The following NEURL1B variants were observed in gnomAD, a reference collection of about 807,000 sequenced individuals.
NEURL1B encodes E3 ubiquitin-protein ligase NEURL1B.
In NEURL1B, 13 loss-of-function variants were observed where a neutral mutation model predicts 37.4. The observed-to-expected ratio is 0.35, with a 90% confidence interval of 0.23 to 0.55. The LOEUF is 0.55. Among genes scored for constraint, NEURL1B ranks in the 20% least tolerant of loss-of-function variants. NEURL1B has a pLI of 0.89. For missense variants in NEURL1B, 790 were observed against 879.2 expected (o/e 0.90, Z 1.28); for synonymous variants, 432 against 426.6 (o/e 1.01, Z -0.16).
chr5:172,654,642 C>T (rs1457431716), intron 1 of NEURL1B, among the ~76,000 whole-genome samples: 3 of 144,590 alleles, frequency 2.1e-5, no homozygotes, highest in Non-Finnish European at 4.5e-5. Flanking sequence ...GAGGTTTCCT[C>T]TAAAAGTTAT....
In NEURL1B at chr5:172,687,082, CA is replaced by C; in HGVS notation, c.*158del. 2 of 874,026 alleles carry C rather than the reference CA, an allele frequency of 2.3e-6. No individual in the cohort carries two copies. Among genetic ancestry groups the C allele is most frequent in the Non-Finnish European group, 3.4e-6 (2 of 590,024 alleles). The allele number at this position is 874,026 out of a possible 1,614,324, so 54.1% of individuals were successfully genotyped here. On this transcript the variant is annotated 3_prime_UTR_variant, in exon 5 of 5. Coordinates refer to ENST00000369800, the MANE Select transcript of NEURL1B (RefSeq NM_001142651.3). Reference sequence around the variant, plus strand: ...TCGTGGAGCGAGGCCCACAGGGCCTCAGCCCAGGCAGGGGTTGCTTCTGGCT... The same window carrying C: ...TCGTGGAGCGAGGCCCACAGGGCCTCGCCCAGGCAGGGGTTGCTTCTGGCT...
chr5:172,651,018 A>G (rs1226562620), intron 1 of NEURL1B, among the ~76,000 whole-genome samples: 2 of 152,150 alleles, frequency 1.3e-5, no homozygotes, highest in Non-Finnish European at 2.9e-5. Context: ...GATGGAGCCT[A>G]TGATCGGAAT....
At chr5:172,684,184 C>CCCGTG in intron 3 of NEURL1B, 46 bp downstream of exon 3, 2 of 1,185,144 alleles carry the variant, frequency 1.7e-6, no homozygotes. Context: ...CCTCCCCCGT[C>CCCGTG]CCGTGCCGTC....
At position 172,683,907 on chromosome 5, in the gene NEURL1B, C is replaced by T. The variant is rs768064115; in HGVS notation, c.1066C>T (p.Pro356Ser). The change falls in exon 3 of 5, where the codon CCC becomes TCC. Residue 356 changes from proline to serine, a missense_variant. By Grantham distance (74) the Pro-to-Ser change is moderately conservative. Around this residue, in one of 3 missense-constraint regions of NEURL1B, gnomAD observed 460 missense variants for 407.4 expected, o/e 1.13. Coordinates refer to ENST00000369800, the MANE Select transcript of NEURL1B (RefSeq NM_001142651.3). This position sits in a 1 kb window ranked among gnomAD's most constrained non-coding sequence, Gnocchi z 5.6. ...DPGVLRPNEL[P>S]ADPDALLDRK... ...GGGCGTGCTACGGCCCAACGAGCTGCCCGCCGACCCAGACGCGCTGCTCGA... is the reference window on the plus strand; with the variant it reads ...GGGCGTGCTACGGCCCAACGAGCTGTCCGCCGACCCAGACGCGCTGCTCGA... 2 of 1,413,336 alleles carry T rather than the reference C, an allele frequency of 1.4e-6. No homozygotes were observed. Among genetic ancestry groups the T allele is most frequent in the African/African-American group, 1.5e-5 (1 of 66,694 alleles). The allele number at this position is 1,413,336 out of a possible 1,614,324, so 87.5% of individuals were successfully genotyped here.
At position 172,651,683 on chromosome 5, in the gene NEURL1B, G is replaced by A. The variant is rs184983888; in HGVS notation, c.31+10246G>A. ...CTATTTCTTTAACAGCATCTCCAGC[G>A]TAGTTAATAAATCGCTGTTGGTTGT... On this transcript the variant is annotated intron_variant, in intron 1 of 4. Coordinates refer to ENST00000369800, the MANE Select transcript of NEURL1B (RefSeq NM_001142651.3). 1.6e-3 allele frequency among the ~76,000 whole-genome samples: 246 copies of A among 152,286 alleles called. 1 individual carries two copies. Among genetic ancestry groups the A allele is most frequent in the African/African-American group, 5.6e-3 (233 of 41,560 alleles).
At chr5:172,659,128 T>C (rs1757849998) in intron 1 of NEURL1B, among the ~76,000 whole-genome samples, 1 of 149,258 alleles carries the variant, frequency 6.7e-6, no homozygotes, top group African/African-American at 2.5e-5. Context: ...ATACGTAGTC[T>C]AGCTTTTTTC....
intron 1 of NEURL1B, among the ~76,000 whole-genome samples, chr5:172,648,198 T>C (rs1344073046): frequency 6.6e-6 from 1 of 152,216 alleles, no homozygotes; most frequent in African/African-American, 2.4e-5. Context: ...CTCTAAGCCT[T>C]GGTTTCCTCT....
rs556559780 is a variant in NEURL1B, at chr5:172,658,168, T to C, written c.32-11617T>C. 2.6e-5 allele frequency among the ~76,000 whole-genome samples: 4 copies of C among 152,294 alleles called. No individual in the cohort carries two copies. In the East Asian group the frequency reaches 7.7e-4, roughly 29 times the overall value. ...ACCGGTCTCCACGTCTTGGTGGTAG[T>C]GGTCCCCCGGGCCCAGCTGTTTTCT... On this transcript the variant is annotated intron_variant, in intron 1 of 4. Transcript: ENST00000369800.
Position 172,682,275 on chromosome 5 carries a change from T to C in NEURL1B, c.578-1144T>C, listed in dbSNP as rs1758368414. ...TAAAATATTTTCATAACTGTAACTT[T>C]TAAAGAACTTTCCCTTCGGCCGGGC... is the stretch of plus-strand genomic sequence containing the variant. On this transcript the variant is annotated intron_variant, in intron 2 of 4. Coordinates refer to ENST00000369800, the MANE Select transcript of NEURL1B (RefSeq NM_001142651.3). Among the ~76,000 whole-genome samples, 3 of 152,244 alleles carry C rather than the reference T, an allele frequency of 2.0e-5. No homozygotes were observed. In the South Asian group the frequency reaches 6.2e-4, roughly 32 times the overall value.
At chr5:172,659,364 G>A (rs574793864) in intron 1 of NEURL1B, among the ~76,000 whole-genome samples, 53 of 152,274 alleles carry the variant, frequency 3.5e-4, no homozygotes, top group African/African-American at 1.3e-3. Flanking sequence ...ACCCAGGCTG[G>A]GGGAGTGGCT....
At chr5:172,682,651 A>G (rs1209164281) in intron 2 of NEURL1B, among the ~76,000 whole-genome samples, 1 of 152,184 alleles carries the variant, frequency 6.6e-6, no homozygotes, top group East Asian at 1.9e-4. Flanking sequence ...TTTTCTGTCA[A>G]TGCTTAAACA....
Position 172,686,418 on chromosome 5 carries a change from C to T in NEURL1B, c.1423+122C>T. 1 of 1,092,828 alleles carries T rather than the reference C, an allele frequency of 9.2e-7. No individual in the cohort carries two copies. The highest frequency in any genetic ancestry group is 1.3e-6 in the Non-Finnish European group (1 of 759,830). The allele number at this position is 1,092,828 out of a possible 1,614,324, so 67.7% of individuals were successfully genotyped here. On this transcript the variant is annotated intron_variant, in intron 4 of 4. Transcript: ENST00000369800. This position sits in a 1 kb window ranked among gnomAD's most constrained non-coding sequence, Gnocchi z 7.9. Reference sequence around the variant, plus strand: ...GCCTTTCCCCCGCATCCTCTCCTTCCCTCAGCTGTATGCTCAGCTGGAGGG... The same window carrying T: ...GCCTTTCCCCCGCATCCTCTCCTTCTCTCAGCTGTATGCTCAGCTGGAGGG...
At chr5:172,669,459 G>A (rs986065525) in intron 1 of NEURL1B, among the ~76,000 whole-genome samples, 6 of 152,130 alleles carry the variant, frequency 3.9e-5, no homozygotes, top group Non-Finnish European at 7.4e-5. Flanking sequence ...ATTTGATGGG[G>A]ATGGAGAAGT....
chr5:172,673,741 G>A (rs1234570040), intron 2 of NEURL1B, among the ~76,000 whole-genome samples: 3 of 150,682 alleles, frequency 2.0e-5, no homozygotes, highest in Non-Finnish European at 4.4e-5. Flanking sequence ...CAGGACCACA[G>A]GCTCATGCCT....
intron 2 of NEURL1B, among the ~76,000 whole-genome samples, chr5:172,673,094 G>A (rs1758162745): frequency 6.6e-6 from 1 of 152,148 alleles, no homozygotes; most frequent in Admixed American, 6.5e-5. Context: ...GATTATGAGT[G>A]ACTTTTTATT....
At chr5:172,651,621 T>C (rs1473318688) in intron 1 of NEURL1B, among the ~76,000 whole-genome samples, 1 of 152,248 alleles carries the variant, frequency 6.6e-6, no homozygotes, top group Non-Finnish European at 1.5e-5. Flanking sequence ...CTATCCTATT[T>C]TCCCAAGCCA....
chr5:172,683,862 G>A lies in NEURL1B; in HGVS notation c.1021G>A (p.Gly341Ser). ...GLAAPGALAF[G>S]ITSCDPGVLR... ...GGCGGCGCCCGGCGCGCTGGCCTTCGGCATCACGTCGTGCGACCCGGGCGT... is the reference window on the plus strand; with the variant it reads ...GGCGGCGCCCGGCGCGCTGGCCTTCAGCATCACGTCGTGCGACCCGGGCGT... Residue 341 changes from glycine to serine, a missense_variant, in exon 3 of 5, where the codon GGC (glycine) becomes AGC (serine). Coordinates refer to ENST00000369800, the MANE Select transcript of NEURL1B (RefSeq NM_001142651.3). The surrounding 1 kb of genome is among the most constrained non-coding windows in gnomAD (Gnocchi z 5.6). 7.3e-7 allele frequency: 1 copy of A among 1,372,456 alleles called. No individual in the cohort carries two copies. Among genetic ancestry groups the A allele is most frequent in the Non-Finnish European group, 9.5e-7 (1 of 1,058,148 alleles). The allele number at this position is 1,372,456 out of a possible 1,614,324, so 85.0% of individuals were successfully genotyped here. A position where few individuals can be genotyped will look rare whatever the true frequency, so the allele number is the denominator to read the frequency against.
At chr5:172,668,148 G>A (rs370703624) in intron 1 of NEURL1B, among the ~76,000 whole-genome samples, 66 of 152,122 alleles carry the variant, frequency 4.3e-4, no homozygotes, top group African/African-American at 1.4e-3. Context: ...GGAAGAGTAC[G>A]TTTTTCATTG....
At chr5:172,655,155 G>A (rs983332872) in intron 1 of NEURL1B, among the ~76,000 whole-genome samples, 16 of 152,196 alleles carry the variant, frequency 1.1e-4, no homozygotes, top group Middle Eastern at 3.4e-3. Flanking sequence ...AAAGTGGGGG[G>A]GTTGTGTGAG....
Sources: gnomAD v4.1 joint callset for allele counts (sites outside exome capture counted in the v4.1 genomes callset) on GRCh38, gnomAD v4.1.1 for gene constraint, gnomAD v4.1.1 regional missense constraint, Gnocchi (gnomAD v3.1) non-coding constraint, MANE v1.5 for transcripts, NCBI Gene and HGNC (gene_info 2026-07-23, HGNC 2026-07-21) for gene names.